KCNH1: variants seen among roughly 807,000 people sequenced by gnomAD.
KCNH1 encodes the protein potassium voltage-gated channel subfamily H member 1, also known as voltage-gated delayed rectifier potassium channel KCNH1.
Under a neutral mutation model 69.2 loss-of-function variants are expected in KCNH1, and 27 were observed. That is an observed-to-expected ratio of 0.39 (90% CI 0.29 to 0.54). The LOEUF (loss-of-function observed/expected upper bound fraction) is 0.54, where lower values mean the gene tolerates loss of function less well. Among genes scored for constraint, KCNH1 ranks in the 20% least tolerant of loss-of-function variants. The probability of loss-of-function intolerance (pLI) is 0.68; values close to 1 mark genes in which losing one functional copy is unlikely to be tolerated. For synonymous variants in KCNH1, 456 were observed against 487.7 expected (o/e 0.93, Z 0.86); for missense variants, 798 against 1,261.6 (o/e 0.63, Z 5.57).
At position 210,683,691 on chromosome 1, in the gene KCNH1, A is replaced by AGT; in HGVS notation, c.2559_2560insAC (p.Ser854ThrfsTer22). On this transcript the variant is annotated frameshift_variant, in exon 11 of 11. Coordinates refer to ENST00000271751, the MANE Select transcript of KCNH1 (RefSeq NM_172362.3). LOFTEE classifies it low-confidence loss of function (END_TRUNC). The surrounding 1 kb of genome is among the most constrained non-coding windows in gnomAD (Gnocchi z 5.7). ...AGTGTCTCCATCGACTCAGCCTTGGACACCTTGTTCCAGTCCTCACTCTTC... is the reference window on the plus strand; with the variant it reads ...AGTGTCTCCATCGACTCAGCCTTGGAGTCACCTTGTTCCAGTCCTCACTCTTC... 1 of 1,613,964 alleles carries AGT rather than the reference A, an allele frequency of 6.2e-7. No homozygotes were observed. Among genetic ancestry groups the AGT allele is most frequent in the African/African-American group, 1.3e-5 (1 of 74,978 alleles).
At chr1:210,770,269 C>A (rs1683729072) in intron 10 of KCNH1, among the ~76,000 whole-genome samples, 1 of 152,070 alleles carries the variant, frequency 6.6e-6, no homozygotes, top group Admixed American at 6.5e-5. Context: ...GGACTTAAAA[C>A]CTAGATGATG....
chr1:210,799,726 G>A (rs1160863375), intron 8 of KCNH1, among the ~76,000 whole-genome samples: 1 of 152,156 alleles, frequency 6.6e-6, no homozygotes, highest in Non-Finnish European at 1.5e-5. Context: ...GAAGTTCTGG[G>A]TACTTTCCCA....
chr1:210,694,325 C>T (rs565426578), intron 10 of KCNH1, among the ~76,000 whole-genome samples: 4 of 152,168 alleles, frequency 2.6e-5, no homozygotes, highest in Non-Finnish European at 5.9e-5. Context: ...CACTTATCTC[C>T]TCTTACCAGC....
chr1:210,713,976 T>G (rs143042595), intron 10 of KCNH1, among the ~76,000 whole-genome samples: 221 of 152,238 alleles, frequency 1.5e-3, no homozygotes, highest in African/African-American at 5.1e-3. Flanking sequence ...GGTGGGAGGC[T>G]TCTCACGATT....
chr1:210,839,263 C>T (rs1399175813), intron 7 of KCNH1, among the ~76,000 whole-genome samples: 3 of 152,160 alleles, frequency 2.0e-5, no homozygotes, highest in Admixed American at 1.3e-4. Context: ...TTTGCAGGGA[C>T]ATGGATGGAG....
Position 210,919,876 on chromosome 1 carries a change from T to A in KCNH1, c.1226A>T (p.Asp409Val), listed in dbSNP as rs1687423257. The change falls in exon 7 of 11, where the codon GAC becomes GTC. Residue 409 changes from aspartate (D) to valine (V), a missense_variant. Asp to Val is a radical substitution (Grantham distance 152). Coordinates refer to ENST00000271751, the MANE Select transcript of KCNH1 (RefSeq NM_172362.3). This position sits in a 1 kb window ranked among gnomAD's most constrained non-coding sequence, Gnocchi z 4.2. The part of the protein sequence containing the change: ...SIGDYEIFDE[D>V]TKTIRNNSWL... The stretch of plus-strand genomic sequence containing the variant: ...GCTGTTGTTGCGGATTGTCTTGGTG[T>A]CCTCGTCAAAGATCTCATAGTCCCC... 1.9e-6 allele frequency: 3 copies of A among 1,614,152 alleles called. No individual in the cohort carries two copies. Among genetic ancestry groups the A allele is most frequent in the Non-Finnish European group, 2.5e-6 (3 of 1,180,014 alleles).
intron 10 of KCNH1, among the ~76,000 whole-genome samples, chr1:210,702,436 AT>A (rs149322976): frequency 1.0e-3 from 152 of 151,812 alleles, no homozygotes; most frequent in African/African-American, 3.5e-3. Context: ...CTTCTATAAG[AT>A]TTCTTTGACT....
chr1:211,096,079 T>TTTA (rs1553379264), intron 3 of KCNH1, among the ~76,000 whole-genome samples: 13,150 of 135,786 alleles, frequency 0.097, 799 homozygotes, highest in Non-Finnish European at 0.14. Context: ...TTATTTATTT[T>TTTA]TTGAGATGGA....
At chr1:210,900,759 A>T (rs1686978359) in intron 7 of KCNH1, among the ~76,000 whole-genome samples, 1 of 152,188 alleles carries the variant, frequency 6.6e-6, no homozygotes, top group Non-Finnish European at 1.5e-5. Flanking sequence ...CACAATGGTT[A>T]CAGGAATAAT....
At chr1:210,934,599 A>G (rs1385969512) in intron 6 of KCNH1, among the ~76,000 whole-genome samples, 3 of 152,128 alleles carry the variant, frequency 2.0e-5, no homozygotes, top group African/African-American at 7.2e-5. Flanking sequence ...AAAGCGTGCC[A>G]CTGCACTCCA....
At chr1:210,689,787 C>T (rs114508015) in intron 10 of KCNH1, among the ~76,000 whole-genome samples, 2,039 of 152,324 alleles carry the variant, frequency 0.013, 54 homozygotes, top group African/African-American at 0.046. Flanking sequence ...TCTGGCTACA[C>T]GTCAGAACCC....
rs143499405 is a variant in KCNH1, at chr1:210,781,090, A to G, written c.1916-5546T>C. ...AACTGAAAAGCCACGTAAGCCTCTG[A>G]ACCACCCCTTATTTTGAATTATCTG... On this transcript the variant is annotated intron_variant, in intron 9 of 10. Coordinates refer to ENST00000271751, the MANE Select transcript of KCNH1 (RefSeq NM_172362.3). Among the ~76,000 whole-genome samples, 587 of 152,240 alleles carry G rather than the reference A, an allele frequency of 3.9e-3. 5 individuals carry two copies. Among genetic ancestry groups the G allele is most frequent in the African/African-American group, 0.014 (561 of 41,538 alleles).
intron 7 of KCNH1, among the ~76,000 whole-genome samples, chr1:210,872,076 A>G (rs969464945): frequency 6.6e-6 from 1 of 151,598 alleles, no homozygotes; most frequent in East Asian, 1.9e-4. Flanking sequence ...AAAAAACAAA[A>G]TATATACATA....
At chr1:210,715,503 T>C (rs1285082688) in intron 10 of KCNH1, among the ~76,000 whole-genome samples, 1 of 143,660 alleles carries the variant, frequency 7.0e-6, no homozygotes, top group African/African-American at 2.6e-5. Flanking sequence ...CCTGTTTCTA[T>C]TTTAAAAATT....
At chr1:210,993,242 A>T (rs2102391153) in intron 6 of KCNH1, among the ~76,000 whole-genome samples, 2 of 152,348 alleles carry the variant, frequency 1.3e-5, no homozygotes, top group East Asian at 3.9e-4. Context: ...GGTGGGAGAG[A>T]TGATGTTTCC....
intron 7 of KCNH1, among the ~76,000 whole-genome samples, chr1:210,815,693 C>T (rs964736108): frequency 4.6e-5 from 7 of 152,116 alleles, no homozygotes; most frequent in African/African-American, 1.7e-4. Flanking sequence ...GAACTTTCAC[C>T]CACCAGGCCA....
intron 7 of KCNH1, among the ~76,000 whole-genome samples, chr1:210,853,670 G>C (rs1184344025): frequency 2.0e-5 from 3 of 152,148 alleles, no homozygotes; most frequent in Admixed American, 6.5e-5. Context: ...CCCAGGGTCA[G>C]AGAAACACAA....
intron 5 of KCNH1, among the ~76,000 whole-genome samples, chr1:211,052,467 T>C (rs1332613998): frequency 6.6e-6 from 1 of 152,224 alleles, no homozygotes; most frequent in Non-Finnish European, 1.5e-5. Context: ...GTACTTACAG[T>C]AGAAGCTCCT....
At chr1:210,690,614 G>A (rs1052951067) in intron 10 of KCNH1, among the ~76,000 whole-genome samples, 1 of 152,180 alleles carries the variant, frequency 6.6e-6, no homozygotes, top group Non-Finnish European at 1.5e-5. Context: ...AGTTGGTTGG[G>A]TTTTACTTTT....
Sources: allele counts gnomAD v4.1 joint callset (sites outside exome capture counted in the v4.1 genomes callset), GRCh38; gene constraint gnomAD v4.1.1; non-coding constraint Gnocchi (gnomAD v3.1); transcripts MANE v1.5; gene names NCBI Gene and HGNC (gene_info 2026-07-23, HGNC 2026-07-21).